Variants in ELAVL2 observed in about 807,000 individuals in gnomAD.
ELAVL2 encodes the protein ELAV-like protein 2.
A neutral mutation model predicts 34.6 loss-of-function variants in ELAVL2; 4 were observed. The observed-to-expected ratio is 0.12, with a 90% CI of 0.06 to 0.26. The LOEUF (loss-of-function observed/expected upper bound fraction) is 0.26. ELAVL2 is among the 10% of genes least tolerant of loss of function. The probability of loss-of-function intolerance (pLI) is 1.00; values close to 1 mark genes in which losing one functional copy is unlikely to be tolerated. For synonymous variants in ELAVL2, 193 were observed against 154.8 expected, an observed-to-expected ratio of 1.25 and a Z score of -1.83; for missense variants, 432 against 442.8, an observed-to-expected ratio of 0.98 and a Z score of 0.22.
chr9:23,800,000 G>C (rs905984567), intron 1 of ELAVL2, among the ~76,000 whole-genome samples: 1 of 152,164 alleles, frequency 6.6e-6, no homozygotes, highest in East Asian at 1.9e-4. Context: ...CCCTATGCAA[G>C]ATTTGAAGAG....
chr9:23,784,911 G>GA (rs2059502164), intron 1 of ELAVL2, among the ~76,000 whole-genome samples: 1 of 152,214 alleles, frequency 6.6e-6, no homozygotes, highest in Admixed American at 6.5e-5. Context: ...GACATTGTGG[G>GA]AAAAATCTTA....
intron 3 of ELAVL2, among the ~76,000 whole-genome samples, chr9:23,729,255 C>A (rs1056534346): frequency 1.3e-5 from 2 of 152,118 alleles, no homozygotes; most frequent in Non-Finnish European, 2.9e-5. Context: ...CTGGGACAAG[C>A]CATCTTGACC....
intron 2 of ELAVL2, among the ~76,000 whole-genome samples, chr9:23,749,143 T>C (rs1031940918): frequency 2.0e-5 from 3 of 152,158 alleles, no homozygotes; most frequent in African/African-American, 7.2e-5. Flanking sequence ...TTTTATGTTA[T>C]ATTTTGCCAC....
intron 3 of ELAVL2, among the ~76,000 whole-genome samples, chr9:23,718,671 G>A (rs145623561): frequency 2.1e-3 from 321 of 152,288 alleles, no homozygotes; most frequent in Non-Finnish European, 3.2e-3. Flanking sequence ...ATTTTGTGGG[G>A]CTGACATAAG....
chr9:23,833,880 A>G, the ELAVL2 span, among the ~76,000 whole-genome samples: 8 of 151,986 alleles, frequency 5.3e-5, no homozygotes, highest in Non-Finnish European at 1.2e-4. Flanking sequence ...TTAATGACTG[A>G]TTATAATTCT....
chr9:23,771,812 A>ATT (rs2057352654), intron 1 of ELAVL2, among the ~76,000 whole-genome samples: 1 of 152,146 alleles, frequency 6.6e-6, no homozygotes, highest in Non-Finnish European at 1.5e-5. Context: ...TAAAATCTGT[A>ATT]TTTTTCAACA....
intron 1 of ELAVL2, among the ~76,000 whole-genome samples, chr9:23,813,017 G>T (rs191075221): frequency 1.1e-4 from 16 of 152,212 alleles, no homozygotes; most frequent in East Asian, 7.7e-4. Flanking sequence ...AACTAGAAAT[G>T]TAAGTGCTTA....
intron 1 of ELAVL2, among the ~76,000 whole-genome samples, chr9:23,823,924 AC>A (rs1343453273): frequency 6.6e-6 from 1 of 152,088 alleles, no homozygotes; most frequent in East Asian, 1.9e-4. Context: ...TCTCCCTCCC[AC>A]CCCCAGAGGA....
rs1257728550 is a variant in ELAVL2 at position 23,690,770 on chromosome 9, G to A, written c.*1787C>T. ...ACAAAAAGCAGGACGTAACTATATA[G>A]TTCTCAGTGCATCCTGATGAAGGCA... On this transcript the variant is annotated 3_prime_UTR_variant, in exon 7 of 7. Transcript: ENST00000397312. 1.3e-5 allele frequency: 2 copies of A among 152,562 alleles called. No individual in the cohort carries two copies. The highest frequency in any genetic ancestry group is 6.5e-5 in the Admixed American group (1 of 15,272). 9.5% of individuals were successfully genotyped at this position (152,562 alleles called of 1,614,324 possible).
chr9:23,746,461 G>A (rs2050507778), intron 2 of ELAVL2, among the ~76,000 whole-genome samples: 1 of 152,126 alleles, frequency 6.6e-6, no homozygotes, highest in African/African-American at 2.4e-5. Context: ...GAATGAGTAA[G>A]GGCTGGGAAC....
intron 4 of ELAVL2, 98 bp from the exon 5 acceptor site, chr9:23,701,702 G>A (rs1372914471): frequency 1.6e-6 from 2 of 1,246,496 alleles, no homozygotes; most frequent in Non-Finnish European, 2.3e-6. Context: ...TCAAGAACAT[G>A]TTTTCACCTA....
chr9:23,844,695 T>C, the ELAVL2 span, among the ~76,000 whole-genome samples: 33,821 of 151,874 alleles, frequency 0.22, 4,163 homozygotes, highest in Non-Finnish European at 0.26. Flanking sequence ...TCATTAACTT[T>C]ATAATCTCTA....
At chr9:23,848,876 C>T in the ELAVL2 span, among the ~76,000 whole-genome samples, 1 of 152,166 alleles carries the variant, frequency 6.6e-6, no homozygotes, top group Non-Finnish European at 1.5e-5. Context: ...GGCCTTGCCT[C>T]ATCAGAAAAT....
intron 6 of ELAVL2, 84 bp downstream of exon 6, chr9:23,693,364 A>T: frequency 6.6e-7 from 1 of 1,507,812 alleles, no homozygotes; most frequent in Non-Finnish European, 9.2e-7. Flanking sequence ...AAAACTTATG[A>T]GGGGTGTGAA....
At chr9:23,752,335 G>C (rs146918982) in intron 2 of ELAVL2, among the ~76,000 whole-genome samples, 2 of 152,210 alleles carry the variant, frequency 1.3e-5, no homozygotes, top group East Asian at 3.9e-4. Flanking sequence ...TGTCCAGTAG[G>C]CCACCTCCCT....
chr9:23,830,999 CT>C (rs930027826), upstream of ELAVL2, among the ~76,000 whole-genome samples: 2 of 152,172 alleles, frequency 1.3e-5, no homozygotes, highest in Non-Finnish European at 2.9e-5. Flanking sequence ...AAGCTTCCCC[CT>C]GGAGCCGATA....
chr9:23,776,210 C>G (rs1442557196), intron 1 of ELAVL2, among the ~76,000 whole-genome samples: 1 of 152,164 alleles, frequency 6.6e-6, no homozygotes, highest in Non-Finnish European at 1.5e-5. Context: ...AGTCCTACCA[C>G]TAACACACAC....
intron 5 of ELAVL2, among the ~76,000 whole-genome samples, chr9:23,698,337 C>G (rs2035981269): frequency 6.6e-6 from 1 of 152,172 alleles, no homozygotes; most frequent in Non-Finnish European, 1.5e-5. Context: ...ATTAGACCAG[C>G]AGTGCTCATA....
chr9:23,704,611 T>C (rs2038691976), intron 4 of ELAVL2, among the ~76,000 whole-genome samples: 1 of 152,142 alleles, frequency 6.6e-6, no homozygotes, highest in South Asian at 2.1e-4. Flanking sequence ...ATAAGCAGGA[T>C]GGGGGCTTTT....
Sources: allele counts gnomAD v4.1 joint callset (sites outside exome capture counted in the v4.1 genomes callset), GRCh38; gene constraint gnomAD v4.1.1; transcripts MANE v1.5; gene names NCBI Gene and HGNC (gene_info 2026-07-23, HGNC 2026-07-21).